FMNL2: variants seen among roughly 807,000 people sequenced by gnomAD.
FMNL2 encodes the protein formin like 2.
A neutral mutation model predicts 130.2 loss-of-function variants in FMNL2; 51 were observed. The observed-to-expected ratio is 0.39, with a 90% CI of 0.31 to 0.49. FMNL2 has a LOEUF of 0.49. FMNL2 is among the 20% of genes least tolerant of loss of function. The pLI is 0.85. For synonymous variants in FMNL2, 465 were observed against 467.1 expected (o/e 1.00, Z 0.06); for missense variants, 977 against 1,316.2 (o/e 0.74, Z 3.99).
At chr2:152,627,826 C>A (rs1325378879) in intron 17 of FMNL2, among the ~76,000 whole-genome samples, 1 of 152,156 alleles carries the variant, frequency 6.6e-6, no homozygotes, top group African/African-American at 2.4e-5. Flanking sequence ...AGAAAAAATA[C>A]TACCAGACTA....
intron 13 of FMNL2, among the ~76,000 whole-genome samples, chr2:152,617,461 G>A (rs1470841612): frequency 6.6e-6 from 1 of 152,250 alleles, no homozygotes; most frequent in Non-Finnish European, 1.5e-5. Context: ...AGGAGGCTGA[G>A]TTAATTCTGT....
intron 1 of FMNL2, among the ~76,000 whole-genome samples, chr2:152,421,478 T>C (rs1049917764): frequency 2.0e-5 from 3 of 152,176 alleles, no homozygotes; most frequent in African/African-American, 7.2e-5. Context: ...GATGTAAATC[T>C]CCATCCACAG....
rs190944630 is a variant in FMNL2, at chr2:152,647,371, G to T, written c.3170-425G>T. On this transcript the variant is annotated intron_variant, in intron 25 of 25. Transcript: ENST00000288670. ...CTTTAGGTTCTTGTTAAAACTGCGA[G>T]GAAAAGATGGGACAGGACAGTCTGC... is the stretch of plus-strand genomic sequence containing the variant. 5.3e-3 allele frequency among the ~76,000 whole-genome samples: 800 copies of T among 152,260 alleles called. 9 individuals are homozygous for T. Among genetic ancestry groups the T allele is most frequent in the Non-Finnish European group, 9.1e-3 (619 of 68,022 alleles).
chr2:152,582,994 A>T (rs990859409), intron 9 of FMNL2, among the ~76,000 whole-genome samples: 15 of 152,190 alleles, frequency 9.9e-5, no homozygotes, highest in Non-Finnish European at 2.2e-4. Context: ...CCTAGGTAAG[A>T]TAGAGTACCT....
chr2:152,347,797 A>G lies in FMNL2; in HGVS notation c.117+12077A>G, dbSNP rs200906697. Among the ~76,000 whole-genome samples the G allele has an allele frequency of 1.5e-4, 23 of 152,256 alleles. No homozygotes were observed. In the East Asian group the frequency reaches 4.4e-3, roughly 29 times the overall value. On this transcript the variant is annotated intron_variant, in intron 1 of 25. Transcript: ENST00000288670. ...GATAAAATTTGAGGGGCTCATGGCC[A>G]CGTTTGTTGGTCTCTCTTCTTTTCT...
intron 1 of FMNL2, among the ~76,000 whole-genome samples, chr2:152,377,925 A>C (rs1684260342): frequency 6.6e-6 from 1 of 152,112 alleles, no homozygotes; most frequent in Admixed American, 6.5e-5. Context: ...TGAACCCGGA[A>C]GTTCAAGACC....
intron 1 of FMNL2, among the ~76,000 whole-genome samples, chr2:152,362,021 A>C (rs1325750368): frequency 1.3e-5 from 2 of 152,214 alleles, no homozygotes; most frequent in African/African-American, 2.4e-5. Flanking sequence ...AGACAAGAAC[A>C]TTTCTAATTA....
chr2:152,401,957 A>G (rs563202103), intron 1 of FMNL2, among the ~76,000 whole-genome samples: 9 of 131,362 alleles, frequency 6.9e-5, no homozygotes, highest in Admixed American at 2.8e-4. Context: ...CCAGGCTGGA[A>G]TGCAGTGGCG....
intron 21 of FMNL2, among the ~76,000 whole-genome samples, chr2:152,635,068 T>C (rs1250926260): frequency 6.6e-6 from 1 of 152,198 alleles, no homozygotes; most frequent in African/African-American, 2.4e-5. Flanking sequence ...TGGTTCGTTG[T>C]GTAGAAGAGG....
chr2:152,561,365 T>G (rs1044057185), intron 6 of FMNL2, among the ~76,000 whole-genome samples: 1 of 152,108 alleles, frequency 6.6e-6, no homozygotes, highest in Non-Finnish European at 1.5e-5. Context: ...AGGTACTGTT[T>G]CCAGGGTAGA....
chr2:152,407,766 CTT>C (rs1686067753), intron 1 of FMNL2, among the ~76,000 whole-genome samples: 1 of 152,176 alleles, frequency 6.6e-6, no homozygotes, highest in African/African-American at 2.4e-5. Context: ...AAGCAAACCT[CTT>C]TGTCTTCCCT....
At chr2:152,636,640 C>CT (rs201654039) in intron 22 of FMNL2, 50 bp downstream of exon 22, 19,750 of 1,535,544 alleles carry the variant, frequency 0.013, 187 homozygotes, top group Non-Finnish European at 0.015. Flanking sequence ...TCCATTAAAG[C>CT]TGCCTGTGGT....
At chr2:152,397,655 C>T (rs1685472989) in intron 1 of FMNL2, among the ~76,000 whole-genome samples, 1 of 151,288 alleles carries the variant, frequency 6.6e-6, no homozygotes, top group Admixed American at 6.6e-5. Context: ...TCTCTTCCTC[C>T]TTTTTTTTTC....
chr2:152,336,092 A>AAAAAACAAAACAAAAC (rs5835421), intron 1 of FMNL2, among the ~76,000 whole-genome samples: 2 of 132,268 alleles, frequency 1.5e-5, no homozygotes, highest in South Asian at 2.3e-4. Flanking sequence ...TTTTTTTAAA[A>AAAAAACAAAACAAAAC]AAAACAAAAC....
chr2:152,536,158 C>G (rs1015885870), intron 2 of FMNL2, among the ~76,000 whole-genome samples: 5 of 152,236 alleles, frequency 3.3e-5, no homozygotes, highest in African/African-American at 1.2e-4. Context: ...CTAGCCCACC[C>G]TGCACCACGC....
At chr2:152,521,817 A>G in intron 1 of FMNL2, 126 bp from the exon 2 acceptor site, 1 of 738,096 alleles carries the variant, frequency 1.4e-6, no homozygotes, top group South Asian at 1.7e-5. Flanking sequence ...GTTTAATCAG[A>G]TACTAGGAAT....
intron 1 of FMNL2, among the ~76,000 whole-genome samples, chr2:152,439,503 A>G (rs913088106): frequency 1.3e-5 from 2 of 152,138 alleles, no homozygotes; most frequent in South Asian, 4.1e-4. Flanking sequence ...ATTTTTACCT[A>G]AAAGATTTGT....
rs1363940642 is a variant in FMNL2 at position 152,611,527 on chromosome 2, C to G, written c.984C>G (p.Val328=). ...CTATGCAGTTTATTAATATTGTAGT[C>G]CATTCAGTAGAAGATATGAATTTCA... ...VASMQFINIV[V]HSVEDMNFRV... is the part of the protein sequence containing the mutation. The change falls in exon 11 of 26, where the codon GTC becomes GTG. Residue 328 remains valine (V), a synonymous_variant. Transcript: ENST00000288670. The G allele has an allele frequency of 6.3e-6, 10 of 1,597,910 alleles. No homozygotes were observed. Among genetic ancestry groups the G allele is most frequent in the Non-Finnish European group, 8.5e-6 (10 of 1,170,932 alleles).
At chr2:152,567,678 G>A (rs1695931644) in intron 6 of FMNL2, among the ~76,000 whole-genome samples, 1 of 152,192 alleles carries the variant, frequency 6.6e-6, no homozygotes, top group African/African-American at 2.4e-5. Context: ...TATTAGCCCA[G>A]ACCTTGGAAC....
Sources: allele counts gnomAD v4.1 joint callset (sites outside exome capture counted in the v4.1 genomes callset), GRCh38; gene constraint gnomAD v4.1.1; transcripts MANE v1.5; gene names NCBI Gene and HGNC (gene_info 2026-07-23, HGNC 2026-07-21).